NME7: variants seen among roughly 807,000 people sequenced by gnomAD.
The protein encoded by NME7 is NME/NM23 family member 7.
Under a neutral mutation model 49.1 loss-of-function variants are expected in NME7, and 41 were observed. The observed-to-expected ratio is 0.83, with a 90% CI of 0.65 to 1.08. The LOEUF (loss-of-function observed/expected upper bound fraction) is 1.08. Among genes scored for constraint, NME7 ranks in the 50% least tolerant of loss-of-function variants. The pLI, the probability that NME7 is intolerant of heterozygous loss-of-function variation, is 0.00. For missense variants in NME7, 423 were observed against 463.4 expected (o/e 0.91, Z 0.80); for synonymous variants, 139 against 150.6 (o/e 0.92, Z 0.56).
Position 169,278,736 on chromosome 1 carries a change from T to C in NME7, c.754+8567A>G, listed in dbSNP as rs1649861701. Among the ~76,000 whole-genome samples the C allele has an allele frequency of 2.6e-5, 4 of 152,354 alleles. No individual in the cohort carries two copies. The South Asian group carries it at 8.3e-4, about 32-fold the overall frequency. ...GTTCCATTGCTGGTGAGGAACTGCG[T>C]TCCTTTGGAGGAGGAGAGGCACTCT... On this transcript the variant is annotated intron_variant, in intron 7 of 11. Coordinates refer to ENST00000367811, the MANE Select transcript of NME7 (RefSeq NM_013330.5).
chr1:169,228,109 A>G (rs954530448), intron 10 of NME7, among the ~76,000 whole-genome samples: 4 of 151,866 alleles, frequency 2.6e-5, no homozygotes, highest in Admixed American at 2.0e-4. Context: ...GGGTCTCACT[A>G]TATTGCCAAG....
chr1:169,140,532 C>T (rs1405906896), intron 11 of NME7, among the ~76,000 whole-genome samples: 1 of 151,900 alleles, frequency 6.6e-6, no homozygotes, highest in African/African-American at 2.4e-5. Flanking sequence ...CCCCATGTTC[C>T]CACTCTGAAA....
chr1:169,171,909 G>C (rs1659607454), intron 10 of NME7, among the ~76,000 whole-genome samples: 1 of 151,902 alleles, frequency 6.6e-6, no homozygotes, highest in South Asian at 2.1e-4. Flanking sequence ...CTTTCAGAAG[G>C]GGGTGCTACC....
chr1:169,167,660 T>A (rs759724711), intron 11 of NME7, among the ~76,000 whole-genome samples: 8 of 152,354 alleles, frequency 5.3e-5, no homozygotes, highest in Admixed American at 2.6e-4. Context: ...ATTTAAAAGA[T>A]GAGAGATCAA....
chr1:169,287,426 T>A lies in NME7; in HGVS notation c.649-18A>T. 1.3e-6 allele frequency: 2 copies of A among 1,534,202 alleles called. No homozygotes were observed. The highest frequency in any genetic ancestry group is 2.5e-5 in the South Asian group (2 of 79,714). ...TCCATTTCCTAAAGACAGAGAGAAA[T>A]GATTTTGACAAATGTGATCTCTTAT... On this transcript the variant is annotated intron_variant, in intron 6 of 11. Coordinates refer to ENST00000367811, the MANE Select transcript of NME7 (RefSeq NM_013330.5).
intron 10 of NME7, among the ~76,000 whole-genome samples, chr1:169,186,577 G>A (rs776425087): frequency 3.6e-4 from 54 of 152,112 alleles, no homozygotes; most frequent in Non-Finnish European, 5.9e-4. Flanking sequence ...ATTCTCTGAT[G>A]GTAGTTTGTA....
intron 11 of NME7, among the ~76,000 whole-genome samples, chr1:169,139,036 A>C (rs1222039191): frequency 6.6e-6 from 1 of 152,142 alleles, no homozygotes; most frequent in Non-Finnish European, 1.5e-5. Context: ...TCAAAATATG[A>C]ACAGATGTTT....
chr1:169,158,935 C>T (rs897309593), intron 11 of NME7, among the ~76,000 whole-genome samples: 10 of 152,168 alleles, frequency 6.6e-5, no homozygotes, highest in African/African-American at 2.2e-4. Flanking sequence ...GAAGATACTG[C>T]TTTTTACCTT....
At position 169,224,022 on chromosome 1, in the gene NME7, T is replaced by C. The variant is rs554968340; in HGVS notation, c.990+6696A>G. 2.0e-5 allele frequency among the ~76,000 whole-genome samples: 3 copies of C among 152,330 alleles called. No homozygotes were observed. In the East Asian group the frequency reaches 5.8e-4, roughly 29 times the overall value. ...TTAATTTATCTAGTTATTTGATGAA[T>C]TCTACCACATATAACCAACCTCCCA... On this transcript the variant is annotated intron_variant, in intron 10 of 11. Coordinates refer to ENST00000367811, the MANE Select transcript of NME7 (RefSeq NM_013330.5).
intron 6 of NME7, among the ~76,000 whole-genome samples, chr1:169,289,141 T>C (rs1437285535): frequency 6.6e-6 from 1 of 152,156 alleles, no homozygotes; most frequent in Non-Finnish European, 1.5e-5. Context: ...CTAAGTCCAC[T>C]GGTTAATTAT....
chr1:169,245,546 G>C (rs1211355214), intron 7 of NME7, among the ~76,000 whole-genome samples: 2 of 152,164 alleles, frequency 1.3e-5, no homozygotes, highest in East Asian at 3.8e-4. Flanking sequence ...GAAAGAAACT[G>C]AAAGAAAAGT....
At chr1:169,219,806 G>A (rs1661086469) in intron 10 of NME7, among the ~76,000 whole-genome samples, 1 of 152,082 alleles carries the variant, frequency 6.6e-6, no homozygotes, top group Non-Finnish European at 1.5e-5. Flanking sequence ...ATGATATCAG[G>A]TTCATAGCAA....
At chr1:169,333,357 CA>C (rs902749629) in intron 1 of NME7, among the ~76,000 whole-genome samples, 4 of 150,828 alleles carry the variant, frequency 2.7e-5, no homozygotes, top group African/African-American at 9.8e-5. Flanking sequence ...ATAACAGGTA[CA>C]AAAAAAATAA....
intron 2 of NME7, 27 bp downstream of exon 2, chr1:169,324,366 C>T: frequency 6.8e-7 from 1 of 1,462,338 alleles, no homozygotes; most frequent in Non-Finnish European, 9.6e-7. Flanking sequence ...CCTTTGCCAA[C>T]ATTCAAGCAA....
intron 8 of NME7, among the ~76,000 whole-genome samples, chr1:169,236,040 C>A (rs1001848562): frequency 6.6e-6 from 1 of 151,834 alleles, no homozygotes; most frequent in South Asian, 2.1e-4. Context: ...GAAATTTCTG[C>A]CAATATGGAC....
At position 169,355,251 on chromosome 1, in the gene NME7, A is replaced by T. The variant is rs549441344; in HGVS notation, c.3+12457T>A. On this transcript the variant is annotated intron_variant, in intron 1 of 11. Coordinates refer to ENST00000367811, the MANE Select transcript of NME7 (RefSeq NM_013330.5). ...TATAATATATAATATATTATATATT[A>T]TATCTATATATAATATATTGTATAT... Among the ~76,000 whole-genome samples the T allele has an allele frequency of 9.7e-3, 239 of 24,666 alleles. 20 individuals are homozygous for T. Among genetic ancestry groups the T allele is most frequent in the African/African-American group, 0.024 (236 of 10,024 alleles). The allele number at this position is 24,666 out of a possible 152,430, so 16.2% of individuals were successfully genotyped here.
At chr1:169,174,785 C>G (rs1221088460) in intron 10 of NME7, among the ~76,000 whole-genome samples, 2 of 152,102 alleles carry the variant, frequency 1.3e-5, no homozygotes, top group Non-Finnish European at 2.9e-5. Flanking sequence ...AGGGCACTTA[C>G]CATGAATGGA....
chr1:169,148,970 T>TG (rs1658833505), intron 11 of NME7, among the ~76,000 whole-genome samples: 1 of 152,374 alleles, frequency 6.6e-6, no homozygotes, highest in South Asian at 2.1e-4. Context: ...TCTATACCAA[T>TG]GCTCTTCTGG....
At chr1:169,324,640 C>T in intron 1 of NME7, 140 bp from the exon 2 acceptor site, 1 of 591,654 alleles carries the variant, frequency 1.7e-6, no homozygotes, top group Non-Finnish European at 3.0e-6. Flanking sequence ...TGCTTTTCAA[C>T]AAAGTATCAG....
Sources: gnomAD v4.1 joint callset for allele counts (sites outside exome capture counted in the v4.1 genomes callset) on GRCh38, gnomAD v4.1.1 for gene constraint, MANE v1.5 for transcripts, NCBI Gene and HGNC (gene_info 2026-07-23, HGNC 2026-07-21) for gene names.